MAGI1: variants seen among roughly 807,000 people sequenced by gnomAD.
MAGI1 encodes membrane associated guanylate kinase, WW and PDZ domain containing 1.
A neutral mutation model predicts 139.9 loss-of-function variants in MAGI1; 58 were observed. That is an observed-to-expected ratio of 0.41 (90% CI 0.34 to 0.52). The LOEUF (loss-of-function observed/expected upper bound fraction) is 0.52. MAGI1 is among the 20% of genes least tolerant of loss of function. The probability of loss-of-function intolerance (pLI) is 0.12; values close to 1 mark genes in which losing one functional copy is unlikely to be tolerated. For missense variants in MAGI1, 1,874 were observed against 1,901.6 expected, an observed-to-expected ratio of 0.99 and a Z score of 0.27; for synonymous variants, 812 against 737.9, an observed-to-expected ratio of 1.10 and a Z score of -1.63.
intron 1 of MAGI1, among the ~76,000 whole-genome samples, chr3:65,836,228 A>G (rs1027187269): frequency 6.6e-6 from 1 of 152,064 alleles, no homozygotes; most frequent in African/African-American, 2.4e-5. Context: ...TGATGTCATC[A>G]TTGCAAAATG....
At chr3:65,808,705 C>T (rs2041030432) in intron 1 of MAGI1, among the ~76,000 whole-genome samples, 1 of 152,104 alleles carries the variant, frequency 6.6e-6, no homozygotes, top group African/African-American at 2.4e-5. Flanking sequence ...AACAGAACTC[C>T]AACATCATTC....
intron 2 of MAGI1, chr3:65,499,059 T>TC: frequency 1.1e-6 from 1 of 944,356 alleles, no homozygotes; most frequent in Non-Finnish European, 1.2e-6. Flanking sequence ...AAAACCGCTC[T>TC]TAAAAAAAAA....
intron 5 of MAGI1, among the ~76,000 whole-genome samples, chr3:65,463,742 A>T (rs181106002): frequency 6.6e-6 from 1 of 152,240 alleles, no homozygotes; most frequent in African/African-American, 2.4e-5. Flanking sequence ...TTTGGCTGTG[A>T]ATCCATCTGG....
intron 13 of MAGI1, among the ~76,000 whole-genome samples, chr3:65,395,735 T>G (rs1208251382): frequency 1.3e-5 from 2 of 149,914 alleles, no homozygotes; most frequent in Non-Finnish European, 3.0e-5. Context: ...TGAGAGGAAC[T>G]GGGAGGCCAC....
At chr3:65,833,817 A>G (rs995945471) in intron 1 of MAGI1, among the ~76,000 whole-genome samples, 1 of 152,258 alleles carries the variant, frequency 6.6e-6, no homozygotes, top group African/African-American at 2.4e-5. Flanking sequence ...AAACAATTAC[A>G]TGAAGCCAAA....
At chr3:65,795,458 T>C (rs1022331707) in intron 1 of MAGI1, among the ~76,000 whole-genome samples, 8 of 152,168 alleles carry the variant, frequency 5.3e-5, no homozygotes, top group African/African-American at 1.9e-4. Context: ...TGTCATTCCA[T>C]TTGTATAACA....
At chr3:65,952,965 C>T (rs1338050046) in intron 1 of MAGI1, among the ~76,000 whole-genome samples, 1 of 152,200 alleles carries the variant, frequency 6.6e-6, no homozygotes, top group Non-Finnish European at 1.5e-5. Flanking sequence ...CAAATACTAA[C>T]TCTGCAATCC....
intron 13 of MAGI1, 64 bp downstream of exon 13, chr3:65,401,375 C>A (rs1944876850): frequency 2.5e-5 from 25 of 1,008,150 alleles, no homozygotes; most frequent in African/African-American, 3.2e-5. Flanking sequence ...AGTACCCTCC[C>A]ACCTCCAGCC....
chr3:65,563,741 C>T (rs118104055), intron 2 of MAGI1, among the ~76,000 whole-genome samples: 4,340 of 152,198 alleles, frequency 0.029, 97 homozygotes, highest in Admixed American at 0.049. Context: ...ATTCAATGTT[C>T]TCTTCAGTAA....
intron 1 of MAGI1, among the ~76,000 whole-genome samples, chr3:65,900,608 G>C (rs984500007): frequency 6.6e-6 from 1 of 152,174 alleles, no homozygotes; most frequent in African/African-American, 2.4e-5. Flanking sequence ...TGAAGAGGGA[G>C]TTAGTAAGAG....
intron 1 of MAGI1, among the ~76,000 whole-genome samples, chr3:65,653,197 T>C (rs1499497): frequency 0.87 from 132,672 of 152,122 alleles, 58,332 homozygotes; most frequent in East Asian, 0.97. Context: ...CTTCCATATC[T>C]TTCACAACAT....
At chr3:65,441,313 T>C (rs890131184) in intron 8 of MAGI1, among the ~76,000 whole-genome samples, 2 of 152,150 alleles carry the variant, frequency 1.3e-5, no homozygotes. Flanking sequence ...GAGCATAGTA[T>C]TGTGATTATT....
chr3:65,778,891 G>A (rs753393397), intron 1 of MAGI1, among the ~76,000 whole-genome samples: 5 of 152,170 alleles, frequency 3.3e-5, no homozygotes, highest in Non-Finnish European at 5.9e-5. Flanking sequence ...CCCCCCAGGG[G>A]ACATTTGGGG....
At chr3:65,435,301 A>G (rs973373853) in intron 10 of MAGI1, among the ~76,000 whole-genome samples, 5 of 150,392 alleles carry the variant, frequency 3.3e-5, no homozygotes, top group Non-Finnish European at 5.9e-5. Context: ...GAGTTAAAGA[A>G]AAGTAAGAAT....
At chr3:65,737,285 G>C (rs564517646) in intron 1 of MAGI1, among the ~76,000 whole-genome samples, 1 of 152,236 alleles carries the variant, frequency 6.6e-6, no homozygotes, top group African/African-American at 2.4e-5. Context: ...GATTACAGGC[G>C]TAAGCCACTG....
intron 1 of MAGI1, among the ~76,000 whole-genome samples, chr3:65,966,930 G>A (rs1027966488): frequency 1.3e-5 from 2 of 152,124 alleles, no homozygotes; most frequent in African/African-American, 4.8e-5. Context: ...GACAGTAACC[G>A]TTGTTTTAAG....
intron 1 of MAGI1, among the ~76,000 whole-genome samples, chr3:65,910,645 T>C (rs536427791): frequency 6.6e-6 from 1 of 152,026 alleles, no homozygotes; most frequent in East Asian, 2.0e-4. Flanking sequence ...AACTACTTAC[T>C]TAAAACATCC....
At chr3:65,800,173 T>A (rs1235859545) in intron 1 of MAGI1, among the ~76,000 whole-genome samples, 1 of 152,156 alleles carries the variant, frequency 6.6e-6, no homozygotes, top group Non-Finnish European at 1.5e-5. Flanking sequence ...ACTTAACACA[T>A]GTAAAGCATT....
intron 3 of MAGI1, among the ~76,000 whole-genome samples, chr3:65,479,155 G>C (rs1011108002): frequency 6.6e-6 from 1 of 152,184 alleles, no homozygotes; most frequent in Non-Finnish European, 1.5e-5. Context: ...TTTAGAGCAA[G>C]CCTCACAGAA....
Sources: allele counts gnomAD v4.1 joint callset (sites outside exome capture counted in the v4.1 genomes callset), GRCh38; gene constraint gnomAD v4.1.1; transcripts MANE v1.5; gene names NCBI Gene and HGNC (gene_info 2026-07-23, HGNC 2026-07-21).